Variants in MTHFD1L observed in about 807,000 individuals in gnomAD.
MTHFD1L encodes the protein monofunctional C1-tetrahydrofolate synthase, mitochondrial.
In MTHFD1L, 81 loss-of-function variants were observed where a neutral mutation model predicts 119.5. The ratio of observed to expected loss-of-function variants is 0.68; its 90% confidence interval spans 0.57 to 0.82. MTHFD1L has a LOEUF of 0.82. Ranked by LOEUF, MTHFD1L falls within the 40% of genes least tolerant of loss-of-function variation. MTHFD1L has a pLI of 0.00. For missense variants in MTHFD1L, 1,125 were observed against 1,253.4 expected (o/e 0.90, Z 1.55); for synonymous variants, 430 against 475.2 (o/e 0.90, Z 1.24).
In MTHFD1L at chr6:151,066,764, CAA is replaced by C. The variant is rs1303162884; in HGVS notation, c.2848-25688_2848-25687del. On this transcript the variant is annotated intron_variant, in intron 26 of 27. Transcript: ENST00000367321. ...TGGGCAATAGAGCAAAACTCCGTCT[CAA>C]AAAAAAAAAAAAAAGTGTCCTTTAG... Among the ~76,000 whole-genome samples, 416 of 100,038 alleles carry C rather than the reference CAA, an allele frequency of 4.2e-3. 10 individuals carry two copies. The highest frequency in any genetic ancestry group is 0.028 in the Admixed American group (271 of 9,704). The allele number at this position is 100,038 out of a possible 152,430, so 65.6% of individuals were successfully genotyped here.
chr6:150,972,805 G>A (rs1235162480), intron 20 of MTHFD1L, among the ~76,000 whole-genome samples: 2 of 152,156 alleles, frequency 1.3e-5, no homozygotes. Flanking sequence ...GCTAATATAG[G>A]AGAGATTCCC....
rs1422192091 is a variant in MTHFD1L, at chr6:150,949,087, A to T, written c.1680A>T (p.Lys560Asn). Residue 560 changes from lysine (K) to asparagine (N), a missense_variant, in exon 16 of 28, where the codon AAA becomes AAT. Lys to Asn is a moderately conservative substitution (Grantham distance 94, BLOSUM62 0). Coordinates refer to ENST00000367321, the MANE Select transcript of MTHFD1L (RefSeq NM_015440.5). ...CACTGACAGAAGAGGAAGTGAGTAA[A>T]TTTGCCCGTCTCGACATCGACCCAT... Reference protein sequence around the residue: ...PSTLTEEEVSKFARLDIDPST... With the variant: ...PSTLTEEEVSNFARLDIDPST... The T allele has an allele frequency of 1.2e-6, 2 of 1,613,920 alleles. No homozygotes were observed. Among genetic ancestry groups the T allele is most frequent in the African/African-American group, 2.7e-5 (2 of 74,900 alleles).
chr6:151,029,839 A>T (rs149670675), intron 24 of MTHFD1L, among the ~76,000 whole-genome samples: 1 of 152,272 alleles, frequency 6.6e-6, no homozygotes, highest in African/African-American at 2.4e-5. Flanking sequence ...CACTCGCATC[A>T]ATTTATTCAC....
At chr6:151,060,738 G>A (rs1790513451) in intron 26 of MTHFD1L, among the ~76,000 whole-genome samples, 1 of 152,226 alleles carries the variant, frequency 6.6e-6, no homozygotes, top group Non-Finnish European at 1.5e-5. Flanking sequence ...TTTGGAATGA[G>A]CTGTGACACT....
chr6:150,932,510 G>T, intron 11 of MTHFD1L, among the ~76,000 whole-genome samples: 1 of 152,190 alleles, frequency 6.6e-6, no homozygotes, highest in East Asian at 1.9e-4. Context: ...GGTGGCTCAC[G>T]CCTGTAATCC....
chr6:150,877,669 G>A lies in MTHFD1L; in HGVS notation c.348G>A (p.Gln116=), dbSNP rs138271579. 578 of 1,614,206 alleles carry A rather than the reference G, an allele frequency of 3.6e-4. 1 individual carries two copies. The African/African-American group carries it at 6.9e-3, about 19-fold the overall frequency. The change falls in exon 3 of 28, where the codon CAG becomes CAA. Residue 116 remains glutamine (Q), a synonymous_variant. Transcript: ENST00000367321. The stretch of plus-strand genomic sequence containing the variant: ...ACAACTTGATGCAGGAAATCAACCA[G>A]AATTTGGCTGAGGAGGTGAGGACTG... The part of the protein sequence containing the change: ...GDDNLMQEIN[Q]NLAEEAGLNI...
At chr6:151,024,131 C>CTTGAACAT (rs1455459217) in intron 24 of MTHFD1L, among the ~76,000 whole-genome samples, 54 of 152,102 alleles carry the variant, frequency 3.6e-4, no homozygotes, top group African/African-American at 9.6e-4. Context: ...ACAAGGGCTC[C>CTTGAACAT]TTGAACATGA....
chr6:150,880,750 T>C (rs1277468221), intron 4 of MTHFD1L, among the ~76,000 whole-genome samples: 1 of 152,200 alleles, frequency 6.6e-6, no homozygotes, highest in Non-Finnish European at 1.5e-5. Context: ...TTTCCACATA[T>C]CCTCGCCAGC....
chr6:150,881,462 A>G (rs1168133106), intron 4 of MTHFD1L, among the ~76,000 whole-genome samples: 2 of 152,162 alleles, frequency 1.3e-5, no homozygotes, highest in South Asian at 2.1e-4. Flanking sequence ...ATGGTGTTAT[A>G]TTGAAAAAGA....
chr6:150,867,408 T>G (rs1408110602), intron 1 of MTHFD1L, among the ~76,000 whole-genome samples: 1 of 152,170 alleles, frequency 6.6e-6, no homozygotes, highest in Non-Finnish European at 1.5e-5. Context: ...ACCAGGCTGG[T>G]CTGGAACTCC....
At chr6:151,099,774 G>A (rs1795209613) in intron 27 of MTHFD1L, 2 of 1,608,570 alleles carry the variant, frequency 1.2e-6, no homozygotes, top group African/African-American at 1.3e-5. Flanking sequence ...ACAACGTCAA[G>A]GAGCTGGAAG....
Position 151,014,802 on chromosome 6 carries a change from G to A in MTHFD1L, c.2308-78G>A, listed in dbSNP as rs565592123. The A allele has an allele frequency of 7.6e-5, 77 of 1,018,384 alleles. No homozygotes were observed. The South Asian group carries it at 9.9e-4, about 13-fold the overall frequency. The allele number at this position is 1,018,384 out of a possible 1,614,324, so 63.1% of individuals were successfully genotyped here. On this transcript the variant is annotated intron_variant, in intron 22 of 27. Coordinates refer to ENST00000367321, the MANE Select transcript of MTHFD1L (RefSeq NM_015440.5). ...AGATGTAGCAAATCCTGCCAGAGAGGTGCTGGCAGTTTAGCTTGGCAGGTT... is the reference window on the plus strand; with the variant it reads ...AGATGTAGCAAATCCTGCCAGAGAGATGCTGGCAGTTTAGCTTGGCAGGTT...
intron 13 of MTHFD1L, among the ~76,000 whole-genome samples, chr6:150,939,810 G>C (rs1195593897): frequency 6.6e-6 from 1 of 150,528 alleles, no homozygotes; most frequent in Non-Finnish European, 1.5e-5. Flanking sequence ...TCAGCCTCCT[G>C]AGTAGCTGGG....
At chr6:151,054,028 C>T (rs1389860943) in intron 26 of MTHFD1L, among the ~76,000 whole-genome samples, 1 of 151,994 alleles carries the variant, frequency 6.6e-6, no homozygotes, top group Non-Finnish European at 1.5e-5. Flanking sequence ...TGATGTTTGT[C>T]ATAAAAGAGT....
intron 8 of MTHFD1L, among the ~76,000 whole-genome samples, chr6:150,914,500 A>C (rs974159451): frequency 2.6e-5 from 4 of 151,840 alleles, no homozygotes; most frequent in African/African-American, 9.7e-5. Flanking sequence ...TCTATAAAAC[A>C]ACTTAACAAT....
intron 17 of MTHFD1L, among the ~76,000 whole-genome samples, chr6:150,959,839 C>T (rs75040593): frequency 0.11 from 17,247 of 152,206 alleles, 1,309 homozygotes; most frequent in Non-Finnish European, 0.17. Flanking sequence ...TCTCATGCTC[C>T]GTGCTGGGGA....
chr6:151,092,177 A>AGAAGAAAAGGT (rs1202569482), intron 26 of MTHFD1L, among the ~76,000 whole-genome samples: 13 of 152,056 alleles, frequency 8.5e-5, no homozygotes, highest in African/African-American at 3.1e-4. Flanking sequence ...GATTTTATTG[A>AGAAGAAAAGGT]GAAGAAAAGG....
At position 150,936,983 on chromosome 6, in the gene MTHFD1L, G is replaced by A. The variant is rs771493975; in HGVS notation, c.1393+43G>A. The A allele has an allele frequency of 1.5e-5, 24 of 1,600,754 alleles. No homozygotes were observed. The East Asian group carries it at 3.1e-4, about 21-fold the overall frequency. On this transcript the variant is annotated intron_variant, in intron 12 of 27. Coordinates refer to ENST00000367321, the MANE Select transcript of MTHFD1L (RefSeq NM_015440.5). Reference sequence around the variant, plus strand: ...TAGTGTACTTTTCAGGGCAAAGTTGGGGGGAGAGAATTGTAAAAAGAACAT... The same window carrying A: ...TAGTGTACTTTTCAGGGCAAAGTTGAGGGGAGAGAATTGTAAAAAGAACAT...
rs566588384 is a variant in MTHFD1L at position 151,009,927 on chromosome 6, G to A, written c.2234G>A (p.Arg745Gln). ...PNVVVLVATVRALKMHGGGPS... is the reference protein window; with the variant it reads ...PNVVVLVATVQALKMHGGGPS... ...GTGGTTGTGTTAGTGGCAACGGTGCGAGCTCTGAAGATGCATGGAGGCGGG... is the reference window on the plus strand; with the variant it reads ...GTGGTTGTGTTAGTGGCAACGGTGCAAGCTCTGAAGATGCATGGAGGCGGG... Residue 745 changes from arginine to glutamine, a missense_variant, in exon 21 of 28, where the codon CGA becomes CAA. Arg to Gln is a conservative substitution (Grantham distance 43, BLOSUM62 1). Coordinates refer to ENST00000367321, the MANE Select transcript of MTHFD1L (RefSeq NM_015440.5). 8.1e-6 allele frequency: 13 copies of A among 1,612,172 alleles called. No individual in the cohort carries two copies. The highest frequency in any genetic ancestry group is 4.4e-5 in the South Asian group (4 of 90,636).
Sources: allele counts gnomAD v4.1 joint callset (sites outside exome capture counted in the v4.1 genomes callset), GRCh38; gene constraint gnomAD v4.1.1; transcripts MANE v1.5; gene names NCBI Gene and HGNC (gene_info 2026-07-23, HGNC 2026-07-21).